REV3L: variants seen among roughly 807,000 people sequenced by gnomAD.
REV3L encodes the protein DNA polymerase zeta catalytic subunit.
A neutral mutation model predicts 299.4 loss-of-function variants in REV3L; 69 were observed. That is an observed-to-expected ratio of 0.23 (90% CI 0.19 to 0.28). The LOEUF is 0.28. REV3L is among the 10% of genes least tolerant of loss of function. The pLI, the probability that REV3L is intolerant of heterozygous loss-of-function variation, is 1.00. For synonymous variants in REV3L, 1,238 were observed against 1,271.4 expected (o/e 0.97, Z 0.56); for missense variants, 3,128 against 3,693.8 (o/e 0.85, Z 3.97).
At chr6:111,310,151 T>C in intron 29 of REV3L, 52 bp from the exon 30 acceptor site, 1 of 1,459,410 alleles carries the variant, frequency 6.9e-7, no homozygotes, top group African/African-American at 1.4e-5. Context: ...ATGGAAGCCA[T>C]CTTTCTCACA....
chr6:111,385,270 C>G (rs1781233255), intron 9 of REV3L, among the ~76,000 whole-genome samples: 1 of 151,784 alleles, frequency 6.6e-6, no homozygotes, highest in South Asian at 2.1e-4. Flanking sequence ...GTTTGTAACA[C>G]AAAGAAATAT....
rs1037171325 is a variant in REV3L, at chr6:111,359,522, A to G, written c.6880-508T>C. On this transcript the variant is annotated intron_variant, in intron 16 of 31. Transcript: ENST00000368802. ...GATTTTTAATTATAGTTTTTCCTGA[A>G]AAAAAAAAAAAAAAAAAAAAGAACT... 6.7e-5 allele frequency among the ~76,000 whole-genome samples: 3 copies of G among 44,900 alleles called. No homozygotes were observed. The African/African-American group carries it at 1.3e-3, about 19-fold the overall frequency. The allele number at this position is 44,900 out of a possible 152,430, so 29.5% of individuals were successfully genotyped here. A position where few individuals can be genotyped will look rare whatever the true frequency, so the allele number is the denominator to read the frequency against.
At position 111,367,162 on chromosome 6, in the gene REV3L, A is replaced by C; in HGVS notation, c.6626T>G (p.Leu2209Arg). Residue 2209 changes from leucine to arginine, a missense_variant, in exon 14 of 32, where the codon CTT becomes CGT. Physicochemically the swap from Leu to Arg is moderately radical, Grantham distance 102 (BLOSUM62 -2). This residue lies in a region of REV3L where 2,409 missense variants were observed against 2,611.8 expected (regional missense o/e 0.92). Coordinates refer to ENST00000368802, the MANE Select transcript of REV3L (RefSeq NM_001372078.1). ...FHSTPIIQRK[L>R]LERLPEAPGL... Reference sequence around the variant, plus strand: ...AGGTGCTTCAGGAAGCCTTTCCAGAAGTTTTCTCTGTATGATTGGTGTACT... The same window carrying C: ...AGGTGCTTCAGGAAGCCTTTCCAGACGTTTTCTCTGTATGATTGGTGTACT... 2 of 1,609,082 alleles carry C rather than the reference A, an allele frequency of 1.2e-6. No homozygotes were observed. Among genetic ancestry groups the C allele is most frequent in the Non-Finnish European group, 1.7e-6 (2 of 1,178,562 alleles).
intron 21 of REV3L, among the ~76,000 whole-genome samples, chr6:111,338,589 A>G (rs953408706): frequency 2.6e-5 from 4 of 151,272 alleles, no homozygotes; most frequent in Non-Finnish European, 5.9e-5. Context: ...TTAGCTTTTT[A>G]CTTTTGTTGA....
At chr6:111,398,966 G>C (rs1782804580) in intron 4 of REV3L, among the ~76,000 whole-genome samples, 2 of 152,072 alleles carry the variant, frequency 1.3e-5, no homozygotes, top group Admixed American at 1.3e-4. Context: ...AATTACTTTT[G>C]CAACAACCTA....
Position 111,479,498 on chromosome 6 carries a change from T to TC in REV3L, c.139+3251dup, listed in dbSNP as rs1048803841. Among the ~76,000 whole-genome samples the TC allele has an allele frequency of 7.8e-4, 111 of 142,772 alleles. 1 individual carries two copies. Among genetic ancestry groups the TC allele is most frequent in the South Asian group, 2.5e-3 (11 of 4,342 alleles). 93.7% of individuals were successfully genotyped at this position (142,772 alleles called of 152,430 possible). ...AGGATTTACCATTCAAATCTGAATA[T>TC]CCCCCCCCGCCTTTTTTTTTTTTTT... On this transcript the variant is annotated intron_variant, in intron 1 of 31. Coordinates refer to ENST00000368802, the MANE Select transcript of REV3L (RefSeq NM_001372078.1).
chr6:111,452,283 C>A (rs1789639950), intron 1 of REV3L, among the ~76,000 whole-genome samples: 1 of 152,078 alleles, frequency 6.6e-6, no homozygotes, highest in Non-Finnish European at 1.5e-5. Context: ...TACAGCCACA[C>A]TGGGAAAAAA....
intron 1 of REV3L, among the ~76,000 whole-genome samples, chr6:111,466,766 C>CA (rs944456022): frequency 6.6e-6 from 1 of 152,104 alleles, no homozygotes. Context: ...CACTTGAACC[C>CA]AGGAGATGGA....
At chr6:111,338,312 C>CTTTTTTTTTTTTTTTTT (rs144497761) in intron 21 of REV3L, among the ~76,000 whole-genome samples, 9 of 47,940 alleles carry the variant, frequency 1.9e-4, no homozygotes, top group East Asian at 1.2e-3. Flanking sequence ...GTCTAAAGTC[C>CTTTTTTTTTTTTTTTTT]TTTTTTTTTT....
intron 24 of REV3L, chr6:111,330,888 GGT>G: frequency 3.1e-6 from 2 of 648,566 alleles, no homozygotes; most frequent in Non-Finnish European, 3.8e-6. Context: ...TGAACTCTTT[GGT>G]TAAAATTTTC....
At chr6:111,430,343 T>G in intron 1 of REV3L, 1 of 1,183,586 alleles carries the variant, frequency 8.4e-7, no homozygotes, top group Non-Finnish European at 1.3e-6. Flanking sequence ...TCCATGATCA[T>G]TAAACACCCA....
chr6:111,436,822 T>A (rs1196573142), intron 1 of REV3L, among the ~76,000 whole-genome samples: 2 of 152,180 alleles, frequency 1.3e-5, no homozygotes, highest in Admixed American at 1.3e-4. Context: ...TAAGATGAGA[T>A]GAATATCCCA....
chr6:111,466,553 T>C (rs959730957), intron 1 of REV3L, among the ~76,000 whole-genome samples: 5 of 152,198 alleles, frequency 3.3e-5, no homozygotes, highest in African/African-American at 4.8e-5. Context: ...ATGTTAAAAT[T>C]GGGCCAGGCG....
At chr6:111,454,735 C>T (rs1041157498) in intron 1 of REV3L, among the ~76,000 whole-genome samples, 2 of 152,142 alleles carry the variant, frequency 1.3e-5, no homozygotes, top group East Asian at 3.9e-4. Context: ...GGCACGATCT[C>T]GGCTCACCAC....
In REV3L at chr6:111,376,464, A is replaced by G. The variant is rs746689524; in HGVS notation, c.1891T>C (p.Leu631=). The G allele has an allele frequency of 6.2e-7, 1 of 1,613,790 alleles. No individual in the cohort carries two copies. Among genetic ancestry groups the G allele is most frequent in the South Asian group, 1.1e-5 (1 of 91,022 alleles). ...STYSMKYPGS[L]SSTVHSENSH... ...TTTTCTGAATGAACAGTACTGCTTA[A>G]AGATCCAGGGTATTTCATAGAATAA... The change falls in exon 13 of 32, where the codon TTA becomes CTA. Residue 631 remains leucine, a synonymous_variant. Coordinates refer to ENST00000368802, the MANE Select transcript of REV3L (RefSeq NM_001372078.1).
At chr6:111,413,582 T>C (rs2128282385) in intron 2 of REV3L, among the ~76,000 whole-genome samples, 1 of 152,140 alleles carries the variant, frequency 6.6e-6, no homozygotes, top group East Asian at 1.9e-4. Flanking sequence ...AAATGTTAAT[T>C]TGGTAGCTAG....
chr6:111,331,675 C>T lies in REV3L; in HGVS notation c.8034+1G>A, dbSNP rs1245261555. ...ATCTTTCATTTACAAGAGAGTATTACCTTGACAAAAGCTACTCCATTGGGG... is the reference window on the plus strand; with the variant it reads ...ATCTTTCATTTACAAGAGAGTATTATCTTGACAAAAGCTACTCCATTGGGG... On this transcript the variant is annotated splice_donor_variant, in intron 24 of 31. Transcript: ENST00000368802. LOFTEE classifies it high-confidence loss of function. The T allele has an allele frequency of 6.3e-7, 1 of 1,596,174 alleles. No individual in the cohort carries two copies. The highest frequency in any genetic ancestry group is 8.6e-7 in the Non-Finnish European group (1 of 1,164,852).
At chr6:111,337,518 A>G (rs1258214788) in intron 21 of REV3L, among the ~76,000 whole-genome samples, 1 of 152,208 alleles carries the variant, frequency 6.6e-6, no homozygotes, top group African/African-American at 2.4e-5. Flanking sequence ...GTCTTTATAC[A>G]GATGATTAAA....
At chr6:111,403,127 T>C (rs766175271) in intron 4 of REV3L, among the ~76,000 whole-genome samples, 8 of 152,242 alleles carry the variant, frequency 5.3e-5, no homozygotes, top group South Asian at 4.1e-4. Context: ...TTATGCTAAG[T>C]AGGAAAAAAC....
Sources: gnomAD v4.1 joint callset for allele counts (sites outside exome capture counted in the v4.1 genomes callset) on GRCh38, gnomAD v4.1.1 for gene constraint, gnomAD v4.1.1 regional missense constraint, MANE v1.5 for transcripts, NCBI Gene and HGNC (gene_info 2026-07-23, HGNC 2026-07-21) for gene names.